TP53BP1: variants seen among roughly 807,000 people sequenced by gnomAD.
The protein encoded by TP53BP1 is tumor protein p53 binding protein 1, also known as TP53-binding protein 1.
A neutral mutation model predicts 200.8 loss-of-function variants in TP53BP1; 61 were observed. The observed-to-expected ratio is 0.30, with a 90% CI of 0.25 to 0.38. The LOEUF (loss-of-function observed/expected upper bound fraction) is 0.38. TP53BP1 is among the 10% of genes least tolerant of loss of function. The pLI is 1.00. For missense variants in TP53BP1, 2,144 were observed against 2,371.9 expected (o/e 0.90, Z 2.00); for synonymous variants, 822 against 844.3 (o/e 0.97, Z 0.46).
Position 43,470,031 on chromosome 15 carries a change from C to T in TP53BP1, c.1216G>A (p.Gly406Arg), listed in dbSNP as rs757916267. The change falls in exon 11 of 28, where the codon GGA becomes AGA. Residue 406 changes from glycine (G) to arginine (R), a missense_variant. Gly to Arg is a moderately radical substitution (Grantham distance 125). Transcript: ENST00000382044. ...PMDTSVLSEE[G>R]GEPFQKKLQS... ...AGTTTCTTCTGAAAAGGCTCTCCTC[C>T]TTCTTCAGATAACACTGACGTGTCC... 2 of 1,613,380 alleles carry T rather than the reference C, an allele frequency of 1.2e-6. No homozygotes were observed. The highest frequency in any genetic ancestry group is 1.1e-5 in the South Asian group (1 of 91,056).
chr15:43,434,008 T>G (rs45629234), intron 16 of TP53BP1, among the ~76,000 whole-genome samples: 5,412 of 152,262 alleles, frequency 0.036, 197 homozygotes, highest in East Asian at 0.098. Flanking sequence ...GGTTTCTATA[T>G]TGTTTAGCTC....
At chr15:43,451,351 C>T (rs2046164991) in intron 12 of TP53BP1, among the ~76,000 whole-genome samples, 4 of 148,946 alleles carry the variant, frequency 2.7e-5, no homozygotes, top group Admixed American at 6.7e-5. Flanking sequence ...CACCCCACAA[C>T]AGTCCCCAGA....
At chr15:43,445,258 T>C (rs985075523) in intron 14 of TP53BP1, among the ~76,000 whole-genome samples, 1 of 151,988 alleles carries the variant, frequency 6.6e-6, no homozygotes, top group African/African-American at 2.4e-5. Flanking sequence ...CTTGCTAGAG[T>C]CACCAAATGG....
intron 17 of TP53BP1, among the ~76,000 whole-genome samples, chr15:43,431,524 C>T (rs1465090965): frequency 6.6e-6 from 1 of 152,152 alleles, no homozygotes; most frequent in Non-Finnish European, 1.5e-5. Flanking sequence ...GGATTTCAGG[C>T]ATGTGCCACC....
chr15:43,453,062 T>TG (rs2046208581), intron 12 of TP53BP1, among the ~76,000 whole-genome samples: 1 of 151,264 alleles, frequency 6.6e-6, no homozygotes, highest in African/African-American at 2.4e-5. Flanking sequence ...GACGTGGTGG[T>TG]GGGCGCCTGT....
In TP53BP1 at chr15:43,422,361, G is replaced by T. The variant is rs545974278; in HGVS notation, c.3829-235C>A. On this transcript the variant is annotated intron_variant, in intron 18 of 27. Coordinates refer to ENST00000382044, the MANE Select transcript of TP53BP1 (RefSeq NM_001141980.3). The stretch of plus-strand genomic sequence containing the variant: ...CTGTTCTTTTTTTTTTCTCCCCCAG[G>T]TGATTCTGAGAAGAATTGTTCATTC... Among the ~76,000 whole-genome samples, 3 of 152,046 alleles carry T rather than the reference G, an allele frequency of 2.0e-5. No homozygotes were observed. In the South Asian group the frequency reaches 6.2e-4, roughly 32 times the overall value.
intron 4 of TP53BP1, among the ~76,000 whole-genome samples, chr15:43,488,178 C>T (rs1275280320): frequency 6.6e-6 from 1 of 151,498 alleles, no homozygotes; most frequent in Non-Finnish European, 1.5e-5. Context: ...ATGTGCCTGT[C>T]GTCTCAGCTA....
intron 11 of TP53BP1, among the ~76,000 whole-genome samples, chr15:43,466,981 T>C (rs1230434304): frequency 6.6e-6 from 1 of 152,164 alleles, no homozygotes; most frequent in Non-Finnish European, 1.5e-5. Context: ...TTTAACTATC[T>C]GACTTATTTT....
chr15:43,466,195 G>A (rs928010285), intron 11 of TP53BP1, among the ~76,000 whole-genome samples: 6 of 152,132 alleles, frequency 3.9e-5, no homozygotes, highest in Admixed American at 2.0e-4. Context: ...GAATCTCCAC[G>A]GATGACAGTG....
At chr15:43,439,522 T>C (rs1360215249) in intron 15 of TP53BP1, among the ~76,000 whole-genome samples, 2 of 152,160 alleles carry the variant, frequency 1.3e-5, no homozygotes, top group Non-Finnish European at 2.9e-5. Context: ...GTTGACAAAG[T>C]GAGACCCTGT....
At chr15:43,503,198 C>A (rs1595637854) in intron 1 of TP53BP1, among the ~76,000 whole-genome samples, 1 of 152,376 alleles carries the variant, frequency 6.6e-6, no homozygotes, top group South Asian at 2.1e-4. Flanking sequence ...TGACTCCAAT[C>A]AAATATAGAA....
chr15:43,464,034 T>C (rs921325427), intron 11 of TP53BP1, among the ~76,000 whole-genome samples: 1 of 152,198 alleles, frequency 6.6e-6, no homozygotes, highest in East Asian at 1.9e-4. Context: ...ATCAAGATAC[T>C]GACATTATGG....
rs755833019 is a variant in TP53BP1, at chr15:43,428,121, T to A, written c.3723A>T (p.Leu1241Phe). 5 of 1,613,866 alleles carry A rather than the reference T, an allele frequency of 3.1e-6. No homozygotes were observed. In the South Asian group the frequency reaches 5.5e-5, roughly 18 times the overall value. The change falls in exon 18 of 28, where the codon TTA becomes TTT. Residue 1241 changes from leucine to phenylalanine, a missense_variant. Around this residue, in one of 4 missense-constraint regions of TP53BP1, gnomAD observed 1,700 missense variants for 1,710.3 expected, o/e 0.99. Transcript: ENST00000382044. ...DMPQPPHGHV[L>F]HRHMRTIREV... ...CCCGGATTGTTCTCATGTGACGATG[T>A]AAGACATGGCCATGTGGAGGCTGAG...
chr15:43,442,294 G>A (rs993584235), intron 14 of TP53BP1, among the ~76,000 whole-genome samples: 1 of 151,776 alleles, frequency 6.6e-6, no homozygotes, highest in Non-Finnish European at 1.5e-5. Context: ...CACCGTGTTA[G>A]CCAGGATGGT....
intron 16 of TP53BP1, among the ~76,000 whole-genome samples, chr15:43,433,696 T>C (rs1342218221): frequency 6.6e-6 from 1 of 152,232 alleles, no homozygotes; most frequent in Non-Finnish European, 1.5e-5. Context: ...CATTCTGAAC[T>C]GACCATGCTA....
chr15:43,435,840 C>A (rs370515168), intron 16 of TP53BP1, among the ~76,000 whole-genome samples: 1 of 151,934 alleles, frequency 6.6e-6, no homozygotes. Flanking sequence ...AGACTACAAG[C>A]GTGGACGACC....
chr15:43,416,796 A>G (rs1339822986), intron 21 of TP53BP1: 1 of 164,820 alleles, frequency 6.1e-6, no homozygotes, highest in African/African-American at 2.4e-5. Context: ...GAGGCTGAGT[A>G]GTAAGTCTTG....
At chr15:43,471,932 G>A (rs963107753) in intron 10 of TP53BP1, among the ~76,000 whole-genome samples, 2 of 152,080 alleles carry the variant, frequency 1.3e-5, no homozygotes, top group African/African-American at 4.8e-5. Context: ...TAGTCAATTT[G>A]GATACCTACA....
At chr15:43,413,085 G>A in intron 24 of TP53BP1, 34 bp downstream of exon 24, 2 of 1,603,034 alleles carry the variant, frequency 1.2e-6, no homozygotes, top group Non-Finnish European at 1.7e-6. Context: ...AAGTGCCTAT[G>A]TGTCAGAGCT....
Sources: allele counts gnomAD v4.1 joint callset (sites outside exome capture counted in the v4.1 genomes callset), GRCh38; gene constraint gnomAD v4.1.1; regional missense constraint gnomAD v4.1.1; transcripts MANE v1.5; gene names NCBI Gene and HGNC (gene_info 2026-07-23, HGNC 2026-07-21).